The following NCOA6 variants were observed in gnomAD, a reference collection of about 807,000 sequenced individuals.
NCOA6 encodes NRC RAP250.
In NCOA6, 49 loss-of-function variants were observed where a neutral mutation model predicts 171.4. That is an observed-to-expected ratio of 0.29 (90% confidence interval 0.23 to 0.36). The LOEUF (loss-of-function observed/expected upper bound fraction) is 0.36, where lower values mean the gene tolerates loss of function less well. NCOA6 is among the 10% of genes least tolerant of loss of function. The pLI, the probability that NCOA6 is intolerant of heterozygous loss-of-function variation, is 1.00. For synonymous variants in NCOA6, 910 were observed against 927.5 expected (o/e 0.98, Z 0.34); for missense variants, 2,248 against 2,554.5 (o/e 0.88, Z 2.59).
Position 34,742,008 on chromosome 20 carries a change from C to A in NCOA6, c.4248G>T (p.Lys1416Asn). 1 of 1,614,134 alleles carries A rather than the reference C, an allele frequency of 6.2e-7. No homozygotes were observed. Among genetic ancestry groups the A allele is most frequent in the Non-Finnish European group, 8.5e-7 (1 of 1,180,014 alleles). Residue 1416 changes from lysine (K) to asparagine (N), a missense_variant, in exon 11 of 15, where the codon AAG (lysine) becomes AAT (asparagine). Physicochemically the swap from Lys to Asn is moderately conservative, Grantham distance 94. This residue lies in a region of NCOA6 where 884 missense variants were observed against 941.9 expected (regional missense o/e 0.94). Transcript: ENST00000359003. ...TGTCCTGAGGCACATTCAAGCTCTC[C>A]TTGTTATCCTCAACAACACCCCCAA... ...AAVGGVVEDN[K>N]ESLNVPQDSD...
intron 9 of NCOA6, among the ~76,000 whole-genome samples, chr20:34,749,061 T>G (rs1281145951): frequency 6.6e-6 from 1 of 152,080 alleles, no homozygotes; most frequent in East Asian, 1.9e-4. Flanking sequence ...AAGAAAAAAA[T>G]TTGAGATAAT....
intron 8 of NCOA6, among the ~76,000 whole-genome samples, chr20:34,751,422 A>ACCT (rs2076485659): frequency 6.7e-6 from 1 of 149,908 alleles, no homozygotes; most frequent in Non-Finnish European, 1.5e-5. Flanking sequence ...TCTTAGGAAA[A>ACCT]CCTCAACAAT....
intron 14 of NCOA6, among the ~76,000 whole-genome samples, chr20:34,726,656 G>A (rs3891836): frequency 3.3e-5 from 5 of 151,976 alleles, no homozygotes; most frequent in African/African-American, 1.2e-4. Flanking sequence ...GAGGTGGCAC[G>A]CACCTGTAAT....
chr20:34,725,671 T>C (rs6060018), intron 14 of NCOA6, among the ~76,000 whole-genome samples: 102 of 151,398 alleles, frequency 6.7e-4, no homozygotes, highest in African/African-American at 2.4e-3. Context: ...TGAGATAAAA[T>C]GGGCAGTTTT....
At chr20:34,821,680 C>G (rs549739093) in intron 1 of NCOA6, 1 of 151,886 alleles carries the variant, frequency 6.6e-6, no homozygotes, top group South Asian at 2.1e-4. Flanking sequence ...CTCCGCCTCC[C>G]GGGTTCACAC....
At position 34,734,019 on chromosome 20, in the gene NCOA6, G is replaced by A. The variant is rs151219268; in HGVS notation, c.5963-1424C>T. Among the ~76,000 whole-genome samples the A allele has an allele frequency of 5.3e-5, 8 of 152,198 alleles. No individual in the cohort carries two copies. In the East Asian group the frequency reaches 1.5e-3, roughly 29 times the overall value. Reference sequence around the variant, plus strand: ...GGCTTGGCTGGAACGTATAAACTCAGGTAATGTGTGCTCAAAAATGAAAAT... The same window carrying A: ...GGCTTGGCTGGAACGTATAAACTCAAGTAATGTGTGCTCAAAAATGAAAAT... On this transcript the variant is annotated intron_variant, in intron 12 of 14. Coordinates refer to ENST00000359003, the MANE Select transcript of NCOA6 (RefSeq NM_014071.5).
At chr20:34,725,704 G>A (rs1051571153) in intron 14 of NCOA6, among the ~76,000 whole-genome samples, 1 of 152,336 alleles carries the variant, frequency 6.6e-6, no homozygotes, top group East Asian at 1.9e-4. Flanking sequence ...TGATATAAGG[G>A]TGAGGGAGAG....
chr20:34,732,362 C>T (rs2075812954), intron 13 of NCOA6, among the ~76,000 whole-genome samples, 197 bp downstream of exon 13: 1 of 152,122 alleles, frequency 6.6e-6, no homozygotes, highest in South Asian at 2.1e-4. Context: ...ACTTGGCCTC[C>T]AGCTTTTATT....
chr20:34,811,201 G>GTATATATATATATATATATATATA (rs10700283), intron 1 of NCOA6, among the ~76,000 whole-genome samples: 26 of 53,838 alleles, frequency 4.8e-4, no homozygotes, highest in Non-Finnish European at 7.3e-4. Context: ...ACAACAACGT[G>GTATATATATATATATATATATATA]TATATATATA....
chr20:34,717,545 T>C (rs1170614269), intron 14 of NCOA6, among the ~76,000 whole-genome samples: 2 of 152,154 alleles, frequency 1.3e-5, no homozygotes, highest in Admixed American at 6.5e-5. Flanking sequence ...TTGGTGGAAA[T>C]TTCAGTATGT....
chr20:34,807,657 C>T (rs2078499864), intron 1 of NCOA6, among the ~76,000 whole-genome samples: 1 of 151,956 alleles, frequency 6.6e-6, no homozygotes, highest in South Asian at 2.1e-4. Flanking sequence ...TCCCAAGTGG[C>T]TGGGACTACA....
intron 5 of NCOA6, among the ~76,000 whole-genome samples, chr20:34,767,441 G>A (rs750304337): frequency 9.2e-5 from 14 of 151,960 alleles, no homozygotes; most frequent in Non-Finnish European, 1.5e-4. Flanking sequence ...GATTACAGGC[G>A]CCTGCCACCA....
intron 2 of NCOA6, among the ~76,000 whole-genome samples, chr20:34,789,091 A>T (rs1024936845): frequency 1.3e-5 from 2 of 152,248 alleles, no homozygotes; most frequent in African/African-American, 4.8e-5. Context: ...GGTTACGTGG[A>T]AGCCTGATAT....
rs1461340387 is a variant in NCOA6, at chr20:34,750,405, C to T, written c.1790G>A (p.Gly597Asp). The change falls in exon 9 of 15, where the codon GGT becomes GAT. Residue 597 changes from glycine to aspartate, a missense_variant. Gly to Asp is a moderately conservative substitution (Grantham distance 94, BLOSUM62 -1). Transcript: ENST00000359003. The stretch of plus-strand genomic sequence containing the variant: ...GTTCACTTGAGGAACCCCAGAAGTA[C>T]CAGCCTGCTGATTGTTCATGTTGCC... ...IHGNMNNQQAGTSGVPQVNLS... is the reference protein window; with the variant it reads ...IHGNMNNQQADTSGVPQVNLS... The T allele has an allele frequency of 4.3e-6, 7 of 1,613,956 alleles. No individual in the cohort carries two copies. In the South Asian group the frequency reaches 4.4e-5, roughly 10 times the overall value.
At position 34,741,163 on chromosome 20, in the gene NCOA6, CCAA is replaced by C; in HGVS notation, c.5090_5092del (p.Val1697del). On this transcript the variant is annotated inframe_deletion, in exon 11 of 15. Coordinates refer to ENST00000359003, the MANE Select transcript of NCOA6 (RefSeq NM_014071.5). ...TATGTTCTGAGGTATGTGTAAAGGG[CCAA>C]CAACTGCAACAGAGGGAGGCATCAG... 1.2e-6 allele frequency: 2 copies of C among 1,614,168 alleles called. No homozygotes were observed. Among genetic ancestry groups the C allele is most frequent in the African/African-American group, 1.3e-5 (1 of 75,024 alleles).
Position 34,758,014 on chromosome 20 carries a change from G to C in NCOA6, c.734C>G (p.Pro245Arg). ...GTTCATTTGTCTGTTCACAGAGACA[G>C]GCTGCATTGGGTGATGTGGGGGAGC... ...SLAPPHHPMQ[P>R]VSVNRQMNPA... The change falls in exon 7 of 15, where the codon CCT (proline) becomes CGT (arginine). Residue 245 changes from proline (P) to arginine (R), a missense_variant. Physicochemically the swap from Pro to Arg is moderately radical, Grantham distance 103. Around this residue, in one of 7 missense-constraint regions of NCOA6, gnomAD observed 987 missense variants for 1,104.7 expected, o/e 0.89. Transcript: ENST00000359003. The C allele has an allele frequency of 6.2e-7, 1 of 1,614,036 alleles. No homozygotes were observed. Among genetic ancestry groups the C allele is most frequent in the Non-Finnish European group, 8.5e-7 (1 of 1,180,014 alleles).
chr20:34,805,351 G>C (rs995653297), intron 1 of NCOA6, among the ~76,000 whole-genome samples: 1 of 151,926 alleles, frequency 6.6e-6, no homozygotes, highest in Non-Finnish European at 1.5e-5. Flanking sequence ...CCTATTCTAC[G>C]ATCTACTTCT....
intron 5 of NCOA6, among the ~76,000 whole-genome samples, chr20:34,760,872 C>G (rs1346193640): frequency 1.3e-5 from 2 of 152,078 alleles, no homozygotes; most frequent in Non-Finnish European, 2.9e-5. Flanking sequence ...TTTGTGCCCT[C>G]TTTTTTTCCT....
intron 1 of NCOA6, among the ~76,000 whole-genome samples, chr20:34,814,638 C>A (rs557969076): frequency 6.7e-4 from 102 of 152,260 alleles, no homozygotes; most frequent in African/African-American, 2.3e-3. Context: ...GTCACCCAGG[C>A]TGGAGTGCTA....
Sources: gnomAD v4.1 joint callset for allele counts (sites outside exome capture counted in the v4.1 genomes callset) on GRCh38, gnomAD v4.1.1 for gene constraint, gnomAD v4.1.1 regional missense constraint, MANE v1.5 for transcripts, NCBI Gene and HGNC (gene_info 2026-07-23, HGNC 2026-07-21) for gene names.